Variants in PIGO observed in about 807,000 individuals in gnomAD.
The protein encoded by PIGO is GPI ethanolamine phosphate transferase 3, catalytic subunit.
PIGO carries 66 observed loss-of-function variants against 86.9 expected under a neutral mutation model. The observed-to-expected ratio is 0.76, with a 90% CI of 0.62 to 0.93. PIGO has a LOEUF of 0.93. Among genes scored for constraint, PIGO ranks in the 40% least tolerant of loss-of-function variants. PIGO has a pLI of 0.00. For missense variants in PIGO, 1,202 were observed against 1,359.1 expected (o/e 0.88, Z 1.82); for synonymous variants, 570 against 556.4 (o/e 1.02, Z -0.34).
chr9:35,089,254 G>C, intron 10 of PIGO, 33 bp from the exon 11 acceptor site: 1 of 1,614,132 alleles, frequency 6.2e-7, no homozygotes, highest in Non-Finnish European at 8.5e-7. Context: ...TCAGGCAACA[G>C]AGTAGGTCTA....
Position 35,092,332 on chromosome 9 carries a change from C to A in PIGO, c.1555G>T (p.Val519Leu). The change falls in exon 7 of 11, where the codon GTG becomes TTG. Residue 519 changes from valine to leucine, a missense_variant. Coordinates refer to ENST00000378617, the MANE Select transcript of PIGO (RefSeq NM_032634.4). ...CACAGAAAAGGGAGGAATGAGCTCA[C>A]TGCAGCCACAGCCCCTAGAAGCACT... is the stretch of plus-strand genomic sequence containing the variant. ...DLVLLGAVAA[V>L]SSFLPFLWKA... 1 of 1,614,242 alleles carries A rather than the reference C, an allele frequency of 6.2e-7. No individual in the cohort carries two copies. Among genetic ancestry groups the A allele is most frequent in the Non-Finnish European group, 8.5e-7 (1 of 1,180,044 alleles).
At position 35,091,376 on chromosome 9, in the gene PIGO, G is replaced by A; in HGVS notation, c.2511C>T (p.Val837=). 1 of 1,614,190 alleles carries A rather than the reference G, an allele frequency of 6.2e-7. No homozygotes were observed. The highest frequency in any genetic ancestry group is 8.5e-7 in the Non-Finnish European group (1 of 1,180,038). ...QLGSVYSAAM[V]TALTLLAFPL... is the part of the protein sequence containing the mutation. Reference sequence around the variant, plus strand: ...GGAAGGCCAACAGGGTGAGGGCTGTGACCATAGCAGCTGAGTAGACACTCC... The same window carrying A: ...GGAAGGCCAACAGGGTGAGGGCTGTAACCATAGCAGCTGAGTAGACACTCC... The change falls in exon 7 of 11, where the codon GTC becomes GTT. Residue 837 remains valine (V), a synonymous_variant. Transcript: ENST00000378617.
chr9:35,095,014 T>G (rs1188457576), intron 2 of PIGO, 41 bp downstream of exon 2: 2 of 1,533,736 alleles, frequency 1.3e-6, no homozygotes, highest in African/African-American at 2.8e-5. Context: ...TTGAAGAAAT[T>G]TGCCAAGGTA....
In PIGO at chr9:35,095,173, G is replaced by A. The variant is rs372920674; in HGVS notation, c.393C>T (p.Thr131=). ...YRSQVDPPTT[T]MQRLKALTTG... ...TGGTGAGGGCCTTGAGGCGCTGCAT[G>A]GTGGTGGTAGGAGGGTCAACCTGAG... Residue 131 remains threonine, a synonymous_variant, in exon 2 of 11, where the codon ACC becomes ACT. Transcript: ENST00000378617. 5 of 1,614,210 alleles carry A rather than the reference G, an allele frequency of 3.1e-6. 1 individual carries two copies. Among genetic ancestry groups the A allele is most frequent in the Non-Finnish European group, 4.2e-6 (5 of 1,180,028 alleles).
At chr9:35,090,742 C>A in intron 7 of PIGO, 70 bp from the exon 8 acceptor site, 3 of 1,429,882 alleles carry the variant, frequency 2.1e-6, no homozygotes, top group Non-Finnish European at 2.9e-6. Flanking sequence ...GCTCCACAAT[C>A]ATATACTCCT....
Position 35,092,569 on chromosome 9 carries a change from T to A in PIGO, c.1318A>T (p.Ile440Phe). 1.2e-6 allele frequency: 2 copies of A among 1,614,212 alleles called. No homozygotes were observed. Among genetic ancestry groups the A allele is most frequent in the African/African-American group, 2.7e-5 (2 of 75,056 alleles). ...QFLRGARAMC[I>F]ESWARFSLVR... ...AGAGAGAAACGAGCCCAAGACTCGA[T>A]GCACATGGCCCGAGCTCCCCGCAGG... is the stretch of plus-strand genomic sequence containing the variant. The change falls in exon 7 of 11, where the codon ATC (isoleucine) becomes TTC (phenylalanine). Residue 440 changes from isoleucine to phenylalanine, a missense_variant. Ile to Phe is a conservative substitution (Grantham distance 21). Coordinates refer to ENST00000378617, the MANE Select transcript of PIGO (RefSeq NM_032634.4).
rs568324177 is a variant in PIGO at position 35,095,719 on chromosome 9, C to T, written c.-1-153G>A. The T allele has an allele frequency of 1.3e-5, 13 of 1,033,232 alleles. No individual in the cohort carries two copies. The African/African-American group carries it at 1.3e-4, about 10-fold the overall frequency. The allele number at this position is 1,033,232 out of a possible 1,614,324, so 64.0% of individuals were successfully genotyped here. On this transcript the variant is annotated intron_variant, in intron 1 of 10. Transcript: ENST00000378617. ...AGCCAACCCCTCGCAATATTACTCT[C>T]CTCCTATTTCCAGGCTGGGCATGGT...
chr9:35,090,758 TTCAG>T, intron 7 of PIGO, 86 bp from the exon 8 acceptor site: 1 of 1,300,806 alleles, frequency 7.7e-7, no homozygotes, highest in Non-Finnish European at 1.1e-6. Flanking sequence ...CTCCTACTAC[TTCAG>T]TATCAATTCT....
Position 35,091,494 on chromosome 9 carries a change from G to A in PIGO, c.2393C>T (p.Pro798Leu). 6.2e-7 allele frequency: 1 copy of A among 1,614,220 alleles called. No individual in the cohort carries two copies. The highest frequency in any genetic ancestry group is 8.5e-7 in the Non-Finnish European group (1 of 1,180,032). The change falls in exon 7 of 11, where the codon CCT becomes CTT. Residue 798 changes from proline to leucine, a missense_variant. By Grantham distance (98) the Pro-to-Leu change is moderately conservative. Coordinates refer to ENST00000378617, the MANE Select transcript of PIGO (RefSeq NM_032634.4). ...CTCCTGCATGTGTCGGTAGATTTGA[G>A]GGACCACATAATCCAAGTCAGCTTG... ...TSQADLDYVV[P>L]QIYRHMQEEF...
At chr9:35,092,868 G>A (rs755184875) in intron 6 of PIGO, 101 bp from the exon 7 acceptor site, 1 of 1,385,646 alleles carries the variant, frequency 7.2e-7, no homozygotes, top group East Asian at 2.3e-5. Flanking sequence ...TGGAAGTCAA[G>A]GACCCAAACT....
chr9:35,088,884 A>T lies in PIGO; in HGVS notation c.*208T>A. 3.1e-6 allele frequency: 2 copies of T among 644,994 alleles called. No homozygotes were observed. The highest frequency in any genetic ancestry group is 5.1e-6 in the Non-Finnish European group (2 of 394,308). The allele number at this position is 644,994 out of a possible 1,614,324, so 40.0% of individuals were successfully genotyped here. ...TCGGAGACCGCCCCCCTTGTCCCTC[A>T]GATGCATCCAAATCAGGAGTTAGGG... is the stretch of plus-strand genomic sequence containing the variant. On this transcript the variant is annotated 3_prime_UTR_variant, in exon 11 of 11. Transcript: ENST00000378617.
chr9:35,095,176 G>C lies in PIGO; in HGVS notation c.390C>G (p.Thr130=), dbSNP rs139962374. The part of the protein sequence containing the change: ...LYRSQVDPPT[T]TMQRLKALTT... Reference sequence around the variant, plus strand: ...TGAGGGCCTTGAGGCGCTGCATGGTGGTGGTAGGAGGGTCAACCTGAGATC... The same window carrying C: ...TGAGGGCCTTGAGGCGCTGCATGGTCGTGGTAGGAGGGTCAACCTGAGATC... The change falls in exon 2 of 11, where the codon ACC becomes ACG. Residue 130 remains threonine (T), a synonymous_variant. Coordinates refer to ENST00000378617, the MANE Select transcript of PIGO (RefSeq NM_032634.4). 18 of 1,614,234 alleles carry C rather than the reference G, an allele frequency of 1.1e-5. No homozygotes were observed. Among genetic ancestry groups the C allele is most frequent in the Non-Finnish European group, 1.5e-5 (18 of 1,180,034 alleles).
At chr9:35,093,628 C>T (rs565176110) in intron 4 of PIGO, 48 bp from the exon 5 acceptor site, 21 of 1,541,282 alleles carry the variant, frequency 1.4e-5, no homozygotes, top group South Asian at 5.0e-5. Context: ...AAATATTTTT[C>T]TCAAAAAGAA....
chr9:35,093,377 G>C (rs1422914275), intron 5 of PIGO, 44 bp downstream of exon 5: 2 of 1,612,732 alleles, frequency 1.2e-6, no homozygotes, highest in Admixed American at 1.7e-5. Context: ...TGGTAACATG[G>C]GCTGATTACT....
Position 35,091,320 on chromosome 9 carries a change from C to A in PIGO, c.2567G>T (p.Ser856Ile), listed in dbSNP as rs1465754763. ...CAGAAACAGAAGCAGGAACACAAGG[C>A]TGATGCGCTCCGCATGCAACAGCAG... ...PLLLLHAERI[S>I]LVFLLLFLQS... Residue 856 changes from serine to isoleucine, a missense_variant, in exon 7 of 11, where the codon AGC (serine) becomes ATC (isoleucine). Transcript: ENST00000378617. 1 of 1,614,142 alleles carries A rather than the reference C, an allele frequency of 6.2e-7. No homozygotes were observed. Among genetic ancestry groups the A allele is most frequent in the East Asian group, 2.2e-5 (1 of 44,888 alleles).
intron 1 of PIGO, chr9:35,095,884 G>A (rs538648562): frequency 1.4e-5 from 3 of 216,604 alleles, no homozygotes; most frequent in Non-Finnish European, 2.8e-5. Context: ...GGCACCTGTA[G>A]TCTCAGCTAC....
At position 35,092,589 on chromosome 9, in the gene PIGO, C is replaced by T. The variant is rs201911029; in HGVS notation, c.1298G>A (p.Arg433Gln). 1.1e-5 allele frequency: 18 copies of T among 1,614,254 alleles called. No individual in the cohort carries two copies. The highest frequency in any genetic ancestry group is 6.7e-5 in the East Asian group (3 of 44,882). Reference sequence around the variant, plus strand: ...CTCGATGCACATGGCCCGAGCTCCCCGCAGGAACTGCTGCAGCTCAGCAAT... The same window carrying T: ...CTCGATGCACATGGCCCGAGCTCCCTGCAGGAACTGCTGCAGCTCAGCAAT... ...TVIAELQQFLRGARAMCIESW... is the reference protein window; with the variant it reads ...TVIAELQQFLQGARAMCIESW... The change falls in exon 7 of 11, where the codon CGG becomes CAG. Residue 433 changes from arginine (R) to glutamine (Q), a missense_variant. Arg to Gln is a conservative substitution (Grantham distance 43). Transcript: ENST00000378617.
chr9:35,088,873 C>G lies in PIGO; in HGVS notation c.*219G>C, dbSNP rs546029434. On this transcript the variant is annotated 3_prime_UTR_variant, in exon 11 of 11. Transcript: ENST00000378617. ...TTTATTCCACTTCGGAGACCGCCCC[C>G]CTTGTCCCTCAGATGCATCCAAATC... The G allele has an allele frequency of 1.7e-5, 10 of 590,290 alleles. No individual in the cohort carries two copies. The East Asian group carries it at 3.0e-4, about 18-fold the overall frequency. The allele number at this position is 590,290 out of a possible 1,614,324, so 36.6% of individuals were successfully genotyped here.
At chr9:35,094,847 C>T (rs1383744598) in intron 2 of PIGO, among the ~76,000 whole-genome samples, 1 of 152,104 alleles carries the variant, frequency 6.6e-6, no homozygotes, top group Non-Finnish European at 1.5e-5. Flanking sequence ...AAACTGAGCT[C>T]CCTACCAGCA....
Sources: gnomAD v4.1 joint callset for allele counts (sites outside exome capture counted in the v4.1 genomes callset) on GRCh38, gnomAD v4.1.1 for gene constraint, MANE v1.5 for transcripts, NCBI Gene and HGNC (gene_info 2026-07-23, HGNC 2026-07-21) for gene names.